TMEM245: variants seen among roughly 807,000 people sequenced by gnomAD.
TMEM245 encodes transmembrane protein 245, also known as protein CG-2.
In TMEM245, 69 loss-of-function variants were observed where a neutral mutation model predicts 101.2. The ratio of observed to expected loss-of-function variants is 0.68; its 90% CI spans 0.56 to 0.83. The LOEUF (loss-of-function observed/expected upper bound fraction) is 0.83. Ranked by LOEUF, TMEM245 falls within the 40% of genes least tolerant of loss-of-function variation. The pLI is 0.00. For missense variants in TMEM245, 1,075 were observed against 1,092.8 expected (o/e 0.98, Z 0.23); for synonymous variants, 537 against 449.8 (o/e 1.19, Z -2.45).
chr9:109,098,414 TAAAC>T (rs1042237202), intron 3 of TMEM245, among the ~76,000 whole-genome samples: 12 of 151,922 alleles, frequency 7.9e-5, no homozygotes, highest in African/African-American at 1.7e-4. Flanking sequence ...ACAGAGAAAA[TAAAC>T]AAAGTATTTG....
At chr9:109,042,839 A>ATTTT (rs754295748) in intron 14 of TMEM245, among the ~76,000 whole-genome samples, 142 of 115,506 alleles carry the variant, frequency 1.2e-3, no homozygotes, top group South Asian at 1.6e-3. Context: ...ATAGCTGACA[A>ATTTT]TTTTTTTTTT....
At chr9:109,032,162 T>C (rs1179397471) in intron 17 of TMEM245, among the ~76,000 whole-genome samples, 3 of 152,092 alleles carry the variant, frequency 2.0e-5, no homozygotes, top group Non-Finnish European at 2.9e-5. Context: ...CAAAATATCA[T>C]TGGTTATGAC....
At position 109,060,463 on chromosome 9, in the gene TMEM245, A is replaced by C. The variant is rs1195718191; in HGVS notation, c.1624-11T>G. ...TAGAATTTTATGGAGCTAGAAAAAA[A>C]CACAGATACGACGTGGTACAATATT... is the stretch of plus-strand genomic sequence containing the variant. On this transcript the variant is annotated splice_polypyrimidine_tract_variant and intron_variant, in intron 10 of 17. Transcript: ENST00000374586. 1 of 1,577,468 alleles carries C rather than the reference A, an allele frequency of 6.3e-7. No individual in the cohort carries two copies. Among genetic ancestry groups the C allele is most frequent in the Admixed American group, 1.7e-5 (1 of 59,354 alleles).
chr9:109,027,446 G>A (rs143893525), intron 17 of TMEM245, among the ~76,000 whole-genome samples: 74 of 152,304 alleles, frequency 4.9e-4, no homozygotes, highest in African/African-American at 1.7e-3. Flanking sequence ...TTAAGTGGAT[G>A]TTTACATCTT....
chr9:109,034,462 T>G (rs538187404), intron 16 of TMEM245, among the ~76,000 whole-genome samples: 1 of 152,320 alleles, frequency 6.6e-6, no homozygotes, highest in East Asian at 1.9e-4. Context: ...CAAAAATGCT[T>G]AAAGCTTTTT....
At chr9:109,072,189 T>C (rs538898874) in intron 9 of TMEM245, among the ~76,000 whole-genome samples, 3 of 152,098 alleles carry the variant, frequency 2.0e-5, no homozygotes, top group Non-Finnish European at 4.4e-5. Context: ...TGCCATCATG[T>C]TCCCATACTC....
At chr9:109,109,945 G>A (rs888454100) in intron 1 of TMEM245, among the ~76,000 whole-genome samples, 1 of 152,092 alleles carries the variant, frequency 6.6e-6, no homozygotes, top group African/African-American at 2.4e-5. Flanking sequence ...GGCTGTATTT[G>A]GGTGGTAAAA....
intron 10 of TMEM245, among the ~76,000 whole-genome samples, chr9:109,061,190 C>A (rs1829000578): frequency 2.6e-5 from 4 of 152,176 alleles, no homozygotes; most frequent in South Asian, 2.1e-4. Context: ...GTGGCGCATG[C>A]CTGCAGTCCC....
intron 3 of TMEM245, among the ~76,000 whole-genome samples, chr9:109,102,203 T>A (rs1830299009): frequency 1.3e-5 from 2 of 152,094 alleles, no homozygotes; most frequent in Non-Finnish European, 2.9e-5. Flanking sequence ...GTCTAACAGA[T>A]TATAACCAGG....
At chr9:109,065,216 C>A (rs577893765) in intron 9 of TMEM245, among the ~76,000 whole-genome samples, 1 of 152,188 alleles carries the variant, frequency 6.6e-6, no homozygotes, top group Non-Finnish European at 1.5e-5. Context: ...TTCTGGGAGA[C>A]TGGGATATTC....
At chr9:109,058,177 T>G (rs1383556806) in intron 11 of TMEM245, among the ~76,000 whole-genome samples, 1 of 151,734 alleles carries the variant, frequency 6.6e-6, no homozygotes, top group Non-Finnish European at 1.5e-5. Context: ...ATTTTTTTTT[T>G]GTATTTTTAG....
chr9:109,030,972 G>A (rs1827928268), intron 17 of TMEM245, among the ~76,000 whole-genome samples: 1 of 152,156 alleles, frequency 6.6e-6, no homozygotes, highest in Non-Finnish European at 1.5e-5. Context: ...GAACCAACTT[G>A]TCAGTGACTC....
chr9:109,112,463 C>A (rs979944181), intron 1 of TMEM245, among the ~76,000 whole-genome samples: 2 of 151,462 alleles, frequency 1.3e-5, no homozygotes, highest in African/African-American at 4.9e-5. Context: ...ATCGCTTGAA[C>A]CCAGGAGGTG....
At chr9:109,040,571 C>G (rs143703744) in intron 14 of TMEM245, among the ~76,000 whole-genome samples, 1 of 152,148 alleles carries the variant, frequency 6.6e-6, no homozygotes, top group African/African-American at 2.4e-5. Context: ...TAGAATTTCA[C>G]GTAAACACAA....
intron 9 of TMEM245, among the ~76,000 whole-genome samples, chr9:109,066,232 T>C (rs757516146): frequency 2.5e-4 from 38 of 152,090 alleles, no homozygotes; most frequent in Admixed American, 2.5e-3. Context: ...GGCAGGCAGA[T>C]TACTTGAGGC....
intron 3 of TMEM245, among the ~76,000 whole-genome samples, chr9:109,096,417 C>T (rs1470524801): frequency 6.6e-6 from 1 of 152,186 alleles, no homozygotes; most frequent in Admixed American, 6.5e-5. Context: ...GCAGAGGTTG[C>T]AGTGAGCCGA....
rs1827587583 is a variant in TMEM245 at position 109,020,482 on chromosome 9, T to C, written c.2618A>G (p.Asp873Gly). 1.2e-6 allele frequency: 2 copies of C among 1,614,030 alleles called. No homozygotes were observed. The highest frequency in any genetic ancestry group is 1.3e-5 in the African/African-American group (1 of 74,930). ...ACATCAACCTACTGAAGATTTCAGA[T>C]CTTCAGAAATGTCACGGAAAGTCCT... Reference protein sequence around the residue: ...PQRTFRDISEDLKSSVG With the variant: ...PQRTFRDISEGLKSSVG The change falls in exon 18 of 18, where the codon GAT becomes GGT. Residue 873 changes from aspartate to glycine, a missense_variant. Asp to Gly is a moderately conservative substitution (Grantham distance 94). This residue lies in a region of TMEM245 where 267 missense variants were observed against 351.3 expected (regional missense o/e 0.76). Coordinates refer to ENST00000374586, the MANE Select transcript of TMEM245 (RefSeq NM_032012.4).
At chr9:109,082,208 C>T (rs1472073192) in intron 7 of TMEM245, among the ~76,000 whole-genome samples, 2 of 152,122 alleles carry the variant, frequency 1.3e-5, no homozygotes, top group East Asian at 3.8e-4. Flanking sequence ...AGGGCACTGT[C>T]ACTAAGAGAT....
intron 1 of TMEM245, 25 bp downstream of exon 1, chr9:109,119,310 C>G (rs766692177): frequency 6.6e-7 from 1 of 1,515,798 alleles, no homozygotes; most frequent in South Asian, 1.2e-5. Context: ...GGGCGGGGGA[C>G]GGGGGCGGAC....
Sources: allele counts gnomAD v4.1 joint callset (sites outside exome capture counted in the v4.1 genomes callset), GRCh38; gene constraint gnomAD v4.1.1; regional missense constraint gnomAD v4.1.1; transcripts MANE v1.5; gene names NCBI Gene and HGNC (gene_info 2026-07-23, HGNC 2026-07-21).